The following ZNF846 variants were observed in gnomAD, a reference collection of about 807,000 sequenced individuals.
The protein encoded by ZNF846 is zinc finger protein 420 pseudogene.
In ZNF846, 15 loss-of-function variants were observed where a neutral mutation model predicts 16.0. That is an observed-to-expected ratio of 0.94 (90% CI 0.63 to 1.45). The LOEUF (loss-of-function observed/expected upper bound fraction) is 1.45. Ranked by LOEUF, ZNF846 falls within the 40% of genes most tolerant of loss-of-function variation. ZNF846 has a pLI of 0.00. For synonymous variants in ZNF846, 229 were observed against 212.0 expected (o/e 1.08, Z -0.70); for missense variants, 714 against 622.3 (o/e 1.15, Z -1.57).
At chr19:9,757,957 C>T in exon 6 of ZNF846, 1 of 1,613,636 alleles carries the variant, frequency 6.2e-7, no homozygotes, top group Non-Finnish European at 8.5e-7. Flanking sequence ...CGAGTAAAAG[C>T]TTTCCCACAT....
chr19:9,778,686 C>A (rs1336937251), intron 1 of ZNF846, among the ~76,000 whole-genome samples: 1 of 151,652 alleles, frequency 6.6e-6, no homozygotes, highest in Non-Finnish European at 1.5e-5. Context: ...GCCTGTAATC[C>A]CAGCTACTGA....
intron 1 of ZNF846, among the ~76,000 whole-genome samples, chr19:9,783,543 A>AT (rs58646372): frequency 1.7e-3 from 206 of 124,446 alleles, no homozygotes; most frequent in Middle Eastern, 7.8e-3. Context: ...AAAAAAAAAA[A>AT]AATATATATA....
intron 1 of ZNF846, among the ~76,000 whole-genome samples, chr19:9,778,528 G>A (rs570238154): frequency 3.3e-5 from 5 of 152,322 alleles, no homozygotes; most frequent in African/African-American, 1.2e-4. Flanking sequence ...GAGGGGGCCG[G>A]GCACTGTGGC....
At chr19:9,759,970 G>C (rs1204928939) in intron 4 of ZNF846, 28 bp from the exon 5 acceptor site, 2 of 1,584,540 alleles carry the variant, frequency 1.3e-6, no homozygotes, top group Admixed American at 1.7e-5. Flanking sequence ...ATGCAGCTTG[G>C]GAGAAAAATT....
At chr19:9,782,625 ATAC>A (rs1303495612) in intron 1 of ZNF846, among the ~76,000 whole-genome samples, 1 of 152,130 alleles carries the variant, frequency 6.6e-6, no homozygotes, top group Non-Finnish European at 1.5e-5. Context: ...ACATTGAAAG[ATAC>A]TGGGTTTCTG....
intron 1 of ZNF846, 148 bp downstream of exon 1, chr19:9,768,141 C>T (rs976129943): frequency 6.6e-6 from 1 of 152,170 alleles, no homozygotes; most frequent in South Asian, 2.1e-4. Flanking sequence ...TGCTACTTTG[C>T]TTTATAACTG....
At chr19:9,774,350 C>T (rs763599545) in intron 1 of ZNF846, 23 of 472,900 alleles carry the variant, frequency 4.9e-5, no homozygotes, top group Non-Finnish European at 8.5e-5. Flanking sequence ...TGCCTGTAGT[C>T]CCAGCTACTC....
chr19:9,772,109 C>T (rs1401460860), upstream of ZNF846, among the ~76,000 whole-genome samples: 1 of 151,922 alleles, frequency 6.6e-6, no homozygotes, highest in Non-Finnish European at 1.5e-5. Context: ...ATTTAAAATA[C>T]TATTTTTCCC....
upstream of ZNF846, among the ~76,000 whole-genome samples, chr19:9,769,074 T>C (rs2045365404): frequency 6.6e-6 from 1 of 152,224 alleles, no homozygotes; most frequent in Admixed American, 6.5e-5. Context: ...GCTTTTCTTT[T>C]CTTTTTTAAT....
Position 9,784,943 on chromosome 19 carries a change from A to C in ZNF846, c.-86+995T>G, listed in dbSNP as rs10406293. Among the ~76,000 whole-genome samples the C allele has an allele frequency of 8.9e-3, 1,362 of 152,324 alleles. 14 individuals carry two copies. The highest frequency in any genetic ancestry group is 0.031 in the African/African-American group (1,307 of 41,570). On this transcript the variant is annotated intron_variant, in intron 1 of 4. Coordinates refer to the ZNF846 transcript ENST00000586814. ...CAGATTAACAGCATCTCAAAGCAGA[A>C]GAATTTTTCTAAGTACAGATCAAAA...
intron 5 of ZNF846, 142 bp from the exon 6 acceptor site, chr19:9,758,906 T>C: frequency 1.4e-6 from 1 of 692,814 alleles, no homozygotes. Context: ...TCCAGCCCCA[T>C]TTTTGAGTTA....
intron 1 of ZNF846, among the ~76,000 whole-genome samples, chr19:9,773,872 A>G (rs2045410261): frequency 6.6e-6 from 1 of 152,238 alleles, no homozygotes; most frequent in Non-Finnish European, 1.5e-5. Context: ...GATATTATAT[A>G]TGGAAAGCCC....
downstream of ZNF846, among the ~76,000 whole-genome samples, chr19:9,750,358 C>G (rs185890931): frequency 2.0e-5 from 3 of 152,178 alleles, no homozygotes; most frequent in African/African-American, 7.2e-5. Flanking sequence ...ACCATGAGAA[C>G]TGAACCTTCC....
exon 6 of ZNF846, chr19:9,757,620 G>T: frequency 1.9e-6 from 3 of 1,613,618 alleles, no homozygotes; most frequent in Non-Finnish European, 2.5e-6. Context: ...ATACCTGAAG[G>T]CTTTCCCACA....
At chr19:9,748,938 T>C (rs906128700), downstream of ZNF846, among the ~76,000 whole-genome samples, 2 of 152,132 alleles carry the variant, frequency 1.3e-5, no homozygotes, top group African/African-American at 4.8e-5. Context: ...TTCCCAGCCA[T>C]ATGAAGACAC....
rs377128988 is a variant in ZNF846, at chr19:9,758,674, T to C, written c.403A>G (p.Thr135Ala). ...TCAGAAGTTTTCTCTCCAATGTGAG[T>C]TATCATGTGAGTCATAAGAAATGGG... The change falls in exon 6 of 6, where the codon ACT becomes GCT. Residue 135 changes from threonine to alanine, a missense_variant. By Grantham distance (58) the Thr-to-Ala change is moderately conservative (BLOSUM62 0). Transcript: ENST00000397902. 66 of 1,612,540 alleles carry C rather than the reference T, an allele frequency of 4.1e-5. No individual in the cohort carries two copies. The Admixed American group carries it at 6.8e-4, about 17-fold the overall frequency.
At chr19:9,764,147 C>T (rs768390784) in intron 2 of ZNF846, among the ~76,000 whole-genome samples, 1 of 152,188 alleles carries the variant, frequency 6.6e-6, no homozygotes, top group Non-Finnish European at 1.5e-5. Flanking sequence ...TAAACAGATG[C>T]ATGGGGGGTG....
At chr19:9,772,096 T>C (rs1268781806), upstream of ZNF846, among the ~76,000 whole-genome samples, 2 of 152,112 alleles carry the variant, frequency 1.3e-5, no homozygotes, top group Non-Finnish European at 2.9e-5. Flanking sequence ...CTATGTCCCA[T>C]TCATTTAAAA....
intron 1 of ZNF846, among the ~76,000 whole-genome samples, chr19:9,779,736 A>C (rs1319476783): frequency 6.6e-6 from 1 of 151,522 alleles, no homozygotes; most frequent in Non-Finnish European, 1.5e-5. Flanking sequence ...ACACCCAGCT[A>C]ATTTTTTGTA....
Sources: gnomAD v4.1 joint callset for allele counts (sites outside exome capture counted in the v4.1 genomes callset) on GRCh38, gnomAD v4.1.1 for gene constraint, MANE v1.5 for transcripts, NCBI Gene and HGNC (gene_info 2026-07-23, HGNC 2026-07-21) for gene names.